Variants in ABLIM2 observed in about 807,000 individuals in gnomAD.
ABLIM2 encodes actin binding LIM protein family member 2.
In ABLIM2, 53 loss-of-function variants were observed where a neutral mutation model predicts 97.7. The observed-to-expected ratio is 0.54, with a 90% CI of 0.44 to 0.68. The LOEUF (loss-of-function observed/expected upper bound fraction) is 0.68. Among genes scored for constraint, ABLIM2 ranks in the 30% least tolerant of loss-of-function variants. The pLI, the probability that ABLIM2 is intolerant of heterozygous loss-of-function variation, is 0.00. For missense variants in ABLIM2, 835 were observed against 867.2 expected (o/e 0.96, Z 0.47); for synonymous variants, 361 against 345.8 (o/e 1.04, Z -0.49).
chr4:7,983,655 C>G (rs935569259), intron 18 of ABLIM2, 101 bp from the exon 19 acceptor site: 83 of 1,389,716 alleles, frequency 6.0e-5, no homozygotes, highest in Admixed American at 2.5e-4. Flanking sequence ...CTGTCTCCCC[C>G]CTGCAGTCAC....
In ABLIM2 at chr4:7,984,841, C is replaced by T. The variant is rs1742291489; in HGVS notation, c.1733G>A (p.Arg578Gln). 14 of 1,600,836 alleles carry T rather than the reference C, an allele frequency of 8.7e-6. No individual in the cohort carries two copies. Among genetic ancestry groups the T allele is most frequent in the Non-Finnish European group, 1.1e-5 (13 of 1,174,150 alleles). The change falls in exon 18 of 21, where the codon CGA becomes CAA. Residue 578 changes from arginine to glutamine, a missense_variant and splice_region_variant. Coordinates refer to ENST00000447017, the MANE Select transcript of ABLIM2 (RefSeq NM_001130083.2). Reference sequence around the variant, plus strand: ...CACAGGGTCCCCGCTCTGTGTACCTCGCATGCCCCAGCTGGCATCCGGGTC... The same window carrying T: ...CACAGGGTCCCCGCTCTGTGTACCTTGCATGCCCCAGCTGGCATCCGGGTC... ...GADPDASWGM[R>Q]EYKIYPYDSL...
chr4:8,022,467 G>T lies in ABLIM2; in HGVS notation c.1268-2164C>A, dbSNP rs1279809253. ...ATACTTGGAGGGGCCTGAGGCCGCA[G>T]GGAAGCTGGGGACACAGCCATGTTG... On this transcript the variant is annotated intron_variant, in intron 12 of 20. Coordinates refer to ENST00000447017, the MANE Select transcript of ABLIM2 (RefSeq NM_001130083.2). The surrounding 1 kb of genome is among the most constrained non-coding windows in gnomAD (Gnocchi z 7.8). Among the ~76,000 whole-genome samples, 2 of 152,236 alleles carry T rather than the reference G, an allele frequency of 1.3e-5. No individual in the cohort carries two copies. The highest frequency in any genetic ancestry group is 2.9e-5 in the Non-Finnish European group (2 of 68,040).
chr4:8,029,480 A>C (rs986798796), intron 11 of ABLIM2, among the ~76,000 whole-genome samples, 176 bp downstream of exon 11: 3 of 151,676 alleles, frequency 2.0e-5, no homozygotes, highest in African/African-American at 7.3e-5. Flanking sequence ...TCTTTATGCC[A>C]CTAAATGAAC....
chr4:8,027,829 G>A lies in ABLIM2; in HGVS notation c.1197C>T (p.Ser399=). The A allele has an allele frequency of 6.2e-7, 1 of 1,600,348 alleles. No homozygotes were observed. Among genetic ancestry groups the A allele is most frequent in the Non-Finnish European group, 8.5e-7 (1 of 1,173,998 alleles). Reference sequence around the variant, plus strand: ...TTGGGTGTTGGGACAGGGAGAGGCAGCTACTGGTACCCACACTCACAGTAC... The same window carrying A: ...TTGGGTGTTGGGACAGGGAGAGGCAACTACTGGTACCCACACTCACAGTAC... ...PAGTVSVGTS[S]CLSLSQHPSP... Residue 399 remains serine, a synonymous_variant, in exon 12 of 21, where the codon AGC becomes AGT. Coordinates refer to ENST00000447017, the MANE Select transcript of ABLIM2 (RefSeq NM_001130083.2).
intron 1 of ABLIM2, among the ~76,000 whole-genome samples, chr4:8,143,072 G>A (rs1561628086): frequency 1.3e-5 from 2 of 149,096 alleles, no homozygotes; most frequent in African/African-American, 5.0e-5. Flanking sequence ...ACCGGCTCTT[G>A]TCCTTCTTCT....
chr4:8,009,631 A>C (rs1012760022), intron 14 of ABLIM2, among the ~76,000 whole-genome samples: 8 of 152,112 alleles, frequency 5.3e-5, no homozygotes, highest in African/African-American at 1.9e-4. Context: ...CTTGATCTCA[A>C]GTAATCCACG....
chr4:7,973,356 C>T (rs894420248), intron 20 of ABLIM2, among the ~76,000 whole-genome samples: 5 of 151,484 alleles, frequency 3.3e-5, no homozygotes, highest in African/African-American at 1.2e-4. Context: ...CAAAAATTAA[C>T]CAGGCGTGGT....
At chr4:8,039,670 A>G (rs1786839453) in intron 9 of ABLIM2, among the ~76,000 whole-genome samples, 1 of 152,244 alleles carries the variant, frequency 6.6e-6, no homozygotes, top group South Asian at 2.1e-4. Flanking sequence ...ATGATAACAC[A>G]GAATGGAAGA....
intron 20 of ABLIM2, among the ~76,000 whole-genome samples, chr4:7,979,206 T>TC (rs1478113668): frequency 1.3e-5 from 2 of 151,952 alleles, no homozygotes; most frequent in African/African-American, 2.4e-5. Flanking sequence ...AGCTGCCAGC[T>TC]CCCCCCGGCA....
At position 8,095,644 on chromosome 4, in the gene ABLIM2, G is replaced by A. The variant is rs1025263581; in HGVS notation, c.338+1455C>T. Among the ~76,000 whole-genome samples the A allele has an allele frequency of 2.6e-5, 4 of 152,058 alleles. No individual in the cohort carries two copies. The highest frequency in any genetic ancestry group is 6.6e-5 in the Admixed American group (1 of 15,266). ...AGCGATCCTCCTACCTTGGCCTCCC[G>A]AGGTGCTGGATTACGGGTGTGAGCC... is the stretch of plus-strand genomic sequence containing the variant. On this transcript the variant is annotated intron_variant, in intron 3 of 20. Transcript: ENST00000447017. This position sits in a 1 kb window ranked among gnomAD's most constrained non-coding sequence, Gnocchi z 4.7.
At chr4:8,056,218 C>T (rs1434022450) in intron 7 of ABLIM2, among the ~76,000 whole-genome samples, 1 of 151,090 alleles carries the variant, frequency 6.6e-6, no homozygotes, top group Non-Finnish European at 1.5e-5. Flanking sequence ...AATCTCTCAC[C>T]CACTTTTTGT....
intron 20 of ABLIM2, among the ~76,000 whole-genome samples, chr4:7,971,877 G>A (rs888295177): frequency 2.0e-5 from 3 of 152,112 alleles, no homozygotes; most frequent in Admixed American, 6.5e-5. Context: ...CTGGCTGACC[G>A]GGTGGGCCTC....
chr4:8,022,266 C>T lies in ABLIM2; in HGVS notation c.1268-1963G>A, dbSNP rs1464134227. 2.6e-5 allele frequency among the ~76,000 whole-genome samples: 4 copies of T among 152,154 alleles called. No homozygotes were observed. The highest frequency in any genetic ancestry group is 9.7e-5 in the African/African-American group (4 of 41,430). ...GTTTCTTCCTATCTGGAATCATGGC[C>T]CCTGATCTGCCTCAGCCCCCACTCA... On this transcript the variant is annotated intron_variant, in intron 12 of 20. Transcript: ENST00000447017. This position sits in a 1 kb window ranked among gnomAD's most constrained non-coding sequence, Gnocchi z 7.8.
intron 19 of ABLIM2, 76 bp from the exon 20 acceptor site, chr4:7,983,420 A>C: frequency 1.3e-6 from 2 of 1,578,370 alleles, no homozygotes; most frequent in East Asian, 4.5e-5. Context: ...GCAGAAGGTC[A>C]CCGAGAATAC....
intron 1 of ABLIM2, among the ~76,000 whole-genome samples, chr4:8,119,650 C>A (rs768236801): frequency 6.6e-6 from 1 of 152,168 alleles, no homozygotes; most frequent in Non-Finnish European, 1.5e-5. Context: ...ACTAAACAAT[C>A]TTAAAATCAC....
In ABLIM2 at chr4:8,007,825, G is replaced by C. The variant is rs936610792; in HGVS notation, c.1618+234C>G. 4.5e-6 allele frequency: 6 copies of C among 1,327,584 alleles called. No homozygotes were observed. In the African/African-American group the frequency reaches 7.4e-5, roughly 16 times the overall value. 82.2% of individuals were successfully genotyped at this position (1,327,584 alleles called of 1,614,324 possible). On this transcript the variant is annotated intron_variant, in intron 16 of 20. Transcript: ENST00000447017. ...TGCACACCTTGGAAATCTGTGAGGG[G>C]ACATGCAGGCGTGGCCCTCGTTAGC... is the stretch of plus-strand genomic sequence containing the variant.
rs554118186 is a variant in ABLIM2 at position 8,097,845 on chromosome 4, G to A, written c.155-563C>T. 2.0e-5 allele frequency among the ~76,000 whole-genome samples: 3 copies of A among 151,912 alleles called. 1 individual carries two copies. Among genetic ancestry groups the A allele is most frequent in the East Asian group, 3.9e-4 (2 of 5,144 alleles). ...CATGCCCTCATGGCCCTCGACGCCTGTCTCCCCACAGTGTGAACAAGGCCA... is the reference window on the plus strand; with the variant it reads ...CATGCCCTCATGGCCCTCGACGCCTATCTCCCCACAGTGTGAACAAGGCCA... On this transcript the variant is annotated intron_variant, in intron 2 of 20. Coordinates refer to ENST00000447017, the MANE Select transcript of ABLIM2 (RefSeq NM_001130083.2).
chr4:8,103,123 C>T (rs1279969763), intron 2 of ABLIM2, among the ~76,000 whole-genome samples: 1 of 152,236 alleles, frequency 6.6e-6, no homozygotes, highest in Non-Finnish European at 1.5e-5. Flanking sequence ...GGGCATCCAT[C>T]ATGACCCTGG....
intron 2 of ABLIM2, among the ~76,000 whole-genome samples, chr4:8,105,433 C>T (rs1836841141): frequency 6.6e-6 from 1 of 152,256 alleles, no homozygotes; most frequent in African/African-American, 2.4e-5. Flanking sequence ...TGGCGCACAG[C>T]AGGGCCTCCT....
Sources: gnomAD v4.1 joint callset for allele counts (sites outside exome capture counted in the v4.1 genomes callset) on GRCh38, gnomAD v4.1.1 for gene constraint, Gnocchi (gnomAD v3.1) non-coding constraint, MANE v1.5 for transcripts, NCBI Gene and HGNC (gene_info 2026-07-23, HGNC 2026-07-21) for gene names.